CAST: variants seen among roughly 807,000 people sequenced by gnomAD.
CAST encodes MIR583 host.
Under a neutral mutation model 119.6 loss-of-function variants are expected in CAST, and 76 were observed. That is an observed-to-expected ratio of 0.64 (90% CI 0.53 to 0.77). CAST has a LOEUF of 0.77. Among genes scored for constraint, CAST ranks in the 30% least tolerant of loss-of-function variants. The probability of loss-of-function intolerance (pLI) is 0.00; values close to 1 mark genes in which losing one functional copy is unlikely to be tolerated. For missense variants in CAST, 953 were observed against 946.5 expected, an observed-to-expected ratio of 1.01 and a Z score of -0.09; for synonymous variants, 319 against 331.6, an observed-to-expected ratio of 0.96 and a Z score of 0.41.
At chr5:96,067,864 T>A in the CAST span, among the ~76,000 whole-genome samples, 1 of 151,056 alleles carries the variant, frequency 6.6e-6, no homozygotes, top group African/African-American at 2.5e-5. Context: ...CATTTTATAG[T>A]TTTCCCTTAA....
chr5:96,106,376 C>G, the CAST span, among the ~76,000 whole-genome samples: 247 of 152,256 alleles, frequency 1.6e-3, 4 homozygotes, highest in East Asian at 0.036. Context: ...ATAAATTTCC[C>G]TCTACACACT....
intron 1 of CAST, chr5:96,546,108 T>C (rs1203966994): frequency 1.3e-5 from 2 of 152,220 alleles, no homozygotes; most frequent in Admixed American, 1.3e-4. Flanking sequence ...TCCTTTATTA[T>C]AATCCTGTAG....
chr5:96,189,464 C>T, the CAST span, among the ~76,000 whole-genome samples: 1 of 152,184 alleles, frequency 6.6e-6, no homozygotes, highest in African/African-American at 2.4e-5. Flanking sequence ...ATATCAGTTC[C>T]TTTAAATTCA....
the CAST span, among the ~76,000 whole-genome samples, chr5:96,476,620 C>T: frequency 2.6e-5 from 4 of 152,244 alleles, no homozygotes; most frequent in Admixed American, 1.3e-4. Context: ...ATTATAAGCA[C>T]GTTTCAAATA....
At chr5:96,649,272 A>G (rs1431318805) in intron 1 of CAST, among the ~76,000 whole-genome samples, 2 of 152,220 alleles carry the variant, frequency 1.3e-5, no homozygotes, top group Non-Finnish European at 2.9e-5. Context: ...GACAAGGACA[A>G]TAAATTACTG....
the CAST span, among the ~76,000 whole-genome samples, chr5:96,179,726 G>A: frequency 2.0e-5 from 3 of 152,310 alleles, no homozygotes; most frequent in East Asian, 1.9e-4. Flanking sequence ...TTGAGAGAAC[G>A]TTACACGGTT....
chr5:96,375,056 T>G, the CAST span, among the ~76,000 whole-genome samples: 2 of 152,178 alleles, frequency 1.3e-5, no homozygotes. Context: ...CTCATTTTGC[T>G]CAAATTAGTT....
At chr5:96,429,288 G>C in the CAST span, 1 of 1,592,378 alleles carries the variant, frequency 6.3e-7, no homozygotes, top group Non-Finnish European at 8.6e-7. Flanking sequence ...TTTTATGTTT[G>C]AATAAGTAGT....
the CAST span, among the ~76,000 whole-genome samples, chr5:95,979,856 G>T: frequency 6.6e-6 from 1 of 152,134 alleles, no homozygotes; most frequent in Non-Finnish European, 1.5e-5. Context: ...GGTGGCTCAA[G>T]CCTGTTATCC....
chr5:96,089,066 CT>C, the CAST span, among the ~76,000 whole-genome samples: 39,931 of 117,748 alleles, frequency 0.34, 5,763 homozygotes, highest in East Asian at 0.49. Flanking sequence ...CTCCAAAAAT[CT>C]TTTTTTTTTT....
chr5:96,292,131 A>G, the CAST span, among the ~76,000 whole-genome samples: 2 of 152,168 alleles, frequency 1.3e-5, no homozygotes, highest in Non-Finnish European at 2.9e-5. Flanking sequence ...TATCTCAAAG[A>G]TGATATCACT....
chr5:96,765,981 T>C, intron 26 of CAST, 72 bp from the exon 27 acceptor site: 3 of 862,036 alleles, frequency 3.5e-6, no homozygotes. Flanking sequence ...TGCTGAATGC[T>C]GCATTTGACA....
the CAST span, among the ~76,000 whole-genome samples, chr5:96,304,023 A>G: frequency 6.6e-6 from 1 of 152,316 alleles, no homozygotes; most frequent in Admixed American, 6.5e-5. Context: ...AGGAATTTCC[A>G]CACTGTCTTC....
At chr5:96,631,797 G>C (rs1057274043) in intron 1 of CAST, among the ~76,000 whole-genome samples, 1 of 152,082 alleles carries the variant, frequency 6.6e-6, no homozygotes, top group Non-Finnish European at 1.5e-5. Flanking sequence ...CTCCCAAAGT[G>C]CTGGGATTAC....
At chr5:96,231,578 ACT>A in the CAST span, among the ~76,000 whole-genome samples, 1 of 152,120 alleles carries the variant, frequency 6.6e-6, no homozygotes. Context: ...TGGTTGCACA[ACT>A]CTGTAAATAT....
At chr5:96,119,545 G>A in the CAST span, among the ~76,000 whole-genome samples, 1 of 152,118 alleles carries the variant, frequency 6.6e-6, no homozygotes, top group African/African-American at 2.4e-5. Flanking sequence ...GATATAAGCT[G>A]GAGGGTTTGC....
the CAST span, among the ~76,000 whole-genome samples, chr5:96,410,345 ACT>A: frequency 6.6e-6 from 1 of 151,644 alleles, no homozygotes; most frequent in African/African-American, 2.4e-5. Context: ...GCTGGTGTAG[ACT>A]CTGTATTTTT....
the CAST span, among the ~76,000 whole-genome samples, chr5:96,127,839 C>A: frequency 6.6e-6 from 1 of 151,980 alleles, no homozygotes; most frequent in Admixed American, 6.6e-5. Context: ...TTGTGATAAA[C>A]CCTGTTGGTA....
intron 22 of CAST, among the ~76,000 whole-genome samples, chr5:96,755,412 G>A (rs1454077205): frequency 6.6e-6 from 1 of 152,088 alleles, no homozygotes; most frequent in Non-Finnish European, 1.5e-5. Context: ...GCAACTTTCA[G>A]ATATAAGTTG....
Sources: gnomAD v4.1 joint callset for allele counts (sites outside exome capture counted in the v4.1 genomes callset) on GRCh38, gnomAD v4.1.1 for gene constraint, MANE v1.5 for transcripts, NCBI Gene and HGNC (gene_info 2026-07-23, HGNC 2026-07-21) for gene names.